KPNA3: variants seen among roughly 807,000 people sequenced by gnomAD.
KPNA3 encodes the protein karyopherin subunit alpha 3, also known as importin subunit alpha-4.
A neutral mutation model predicts 73.8 loss-of-function variants in KPNA3; 13 were observed. That is an observed-to-expected ratio of 0.18 (90% CI 0.11 to 0.28). KPNA3 has a LOEUF of 0.28. Ranked by LOEUF, KPNA3 falls within the 10% of genes least tolerant of loss-of-function variation. The pLI, the probability that KPNA3 is intolerant of heterozygous loss-of-function variation, is 1.00. For synonymous variants in KPNA3, 186 were observed against 206.9 expected, an observed-to-expected ratio of 0.90 and a Z score of 0.87; for missense variants, 360 against 618.1, an observed-to-expected ratio of 0.58 and a Z score of 4.43.
At chr13:49,742,471 T>C (rs1174099645) in intron 2 of KPNA3, among the ~76,000 whole-genome samples, 3 of 144,226 alleles carry the variant, frequency 2.1e-5, no homozygotes, top group Non-Finnish European at 4.4e-5. Context: ...CTGTTCTGTG[T>C]GTGTGTTTTT....
At chr13:49,777,277 G>GT (rs1954905125) in intron 1 of KPNA3, among the ~76,000 whole-genome samples, 1 of 152,142 alleles carries the variant, frequency 6.6e-6, no homozygotes, top group East Asian at 1.9e-4. Flanking sequence ...ATGCTGAAGA[G>GT]TTGGATCTGT....
chr13:49,702,927 G>A (rs998555516), intron 15 of KPNA3, among the ~76,000 whole-genome samples: 6 of 152,046 alleles, frequency 3.9e-5, no homozygotes, highest in African/African-American at 1.4e-4. Context: ...AGAGTGCAGA[G>A]GTGTGATCTC....
chr13:49,706,439 ATTT>A, intron 12 of KPNA3, 67 bp from the exon 13 acceptor site: 1 of 1,068,432 alleles, frequency 9.4e-7, no homozygotes, highest in Non-Finnish European at 1.4e-6. Context: ...TTTCTAATAT[ATTT>A]TATATAGACA....
rs79781495 is a variant in KPNA3, at chr13:49,733,204, G to C, written c.115-158C>G. On this transcript the variant is annotated intron_variant, in intron 2 of 16. Coordinates refer to ENST00000261667, the MANE Select transcript of KPNA3 (RefSeq NM_002267.4). ...GTGCATACTGCAAACCAATGACAAGGGTCACATTCTGGCTTCGGTAACAAA... is the reference window on the plus strand; with the variant it reads ...GTGCATACTGCAAACCAATGACAAGCGTCACATTCTGGCTTCGGTAACAAA... Among the ~76,000 whole-genome samples, 1,404 of 151,806 alleles carry C rather than the reference G, an allele frequency of 9.2e-3. 18 individuals carry two copies. Among genetic ancestry groups the C allele is most frequent in the African/African-American group, 0.032 (1,315 of 41,408 alleles).
intron 1 of KPNA3, among the ~76,000 whole-genome samples, chr13:49,760,600 G>A (rs1954751020): frequency 6.6e-6 from 1 of 152,054 alleles, no homozygotes; most frequent in Non-Finnish European, 1.5e-5. Context: ...TTGATTCCAG[G>A]TGTCAACCTG....
Position 49,734,950 on chromosome 13 carries a change from T to TAGAG in KPNA3, c.115-1905_115-1904insCTCT, listed in dbSNP as rs879944192. On this transcript the variant is annotated intron_variant, in intron 2 of 16. Transcript: ENST00000261667. ...ATATATATATATATAGAGAGAGAGA[T>TAGAG]AGATAGAGAGAGAGAGAGAGAGAGA... is the stretch of plus-strand genomic sequence containing the variant. 3.5e-4 allele frequency among the ~76,000 whole-genome samples: 27 copies of TAGAG among 76,170 alleles called. No individual in the cohort carries two copies. The South Asian group carries it at 4.5e-3, about 13-fold the overall frequency. The allele number at this position is 76,170 out of a possible 152,430, so 50.0% of individuals were successfully genotyped here.
At chr13:49,729,963 T>C (rs1258297226) in intron 6 of KPNA3, among the ~76,000 whole-genome samples, 1 of 152,134 alleles carries the variant, frequency 6.6e-6, no homozygotes, top group African/African-American at 2.4e-5. Flanking sequence ...TGAACCACAG[T>C]CAATCTGGCT....
At chr13:49,714,043 C>T (rs1954284416) in intron 10 of KPNA3, among the ~76,000 whole-genome samples, 2 of 152,108 alleles carry the variant, frequency 1.3e-5, no homozygotes, top group Non-Finnish European at 2.9e-5. Context: ...AACAAAAATG[C>T]CACACATCAG....
chr13:49,765,020 G>C (rs1488426179), intron 1 of KPNA3, among the ~76,000 whole-genome samples: 1 of 152,012 alleles, frequency 6.6e-6, no homozygotes. Flanking sequence ...CCACATTCCT[G>C]GTTTTCCTCC....
At chr13:49,769,027 T>C (rs1226272282) in intron 1 of KPNA3, among the ~76,000 whole-genome samples, 3 of 152,104 alleles carry the variant, frequency 2.0e-5, no homozygotes, top group Non-Finnish European at 4.4e-5. Flanking sequence ...TTTCACAAGA[T>C]AGTTATGTTT....
intron 6 of KPNA3, among the ~76,000 whole-genome samples, chr13:49,726,845 G>A (rs1265913436): frequency 6.6e-6 from 1 of 152,006 alleles, no homozygotes; most frequent in Non-Finnish European, 1.5e-5. Flanking sequence ...TGGGATGCTG[G>A]GCGGGGGTGG....
intron 9 of KPNA3, among the ~76,000 whole-genome samples, chr13:49,721,254 A>AC (rs1954354322): frequency 6.6e-6 from 1 of 152,116 alleles, no homozygotes; most frequent in Admixed American, 6.6e-5. Context: ...AATTGGACTT[A>AC]AAGCAAACTC....
At chr13:49,739,617 CATCCTCAATTTTGACGGATCAGTATCT>C (rs926705083) in intron 2 of KPNA3, among the ~76,000 whole-genome samples, 32 of 152,322 alleles carry the variant, frequency 2.1e-4, no homozygotes, top group Admixed American at 1.4e-3. Context: ...TGTCATCTGT[CATCCTCAATTTTGACGGATCAGTATCT>C]GTTATTTGAA....
At chr13:49,728,236 A>G (rs888493088) in intron 6 of KPNA3, among the ~76,000 whole-genome samples, 1 of 146,976 alleles carries the variant, frequency 6.8e-6, no homozygotes, top group African/African-American at 2.5e-5. Context: ...CTCTGTCTCA[A>G]AAAAAAAAAA....
intron 7 of KPNA3, among the ~76,000 whole-genome samples, chr13:49,724,697 A>G (rs1353570909): frequency 1.3e-5 from 2 of 152,108 alleles, no homozygotes; most frequent in Non-Finnish European, 2.9e-5. Flanking sequence ...CCCTGGCTCA[A>G]GCGATCCTCT....
chr13:49,726,112 A>C (rs1444561293), intron 6 of KPNA3, among the ~76,000 whole-genome samples: 8 of 152,128 alleles, frequency 5.3e-5, no homozygotes, highest in Non-Finnish European at 1.2e-4. Flanking sequence ...CCTCTTAAAC[A>C]TTTCTTACAT....
At chr13:49,723,485 C>A (rs886915476) in intron 7 of KPNA3, among the ~76,000 whole-genome samples, 3 of 151,808 alleles carry the variant, frequency 2.0e-5, no homozygotes, top group Non-Finnish European at 4.4e-5. Context: ...CAGAGAACTG[C>A]TTGAACCAGG....
At chr13:49,773,864 G>A (rs182358750) in intron 1 of KPNA3, among the ~76,000 whole-genome samples, 3 of 152,228 alleles carry the variant, frequency 2.0e-5, no homozygotes, top group Admixed American at 2.0e-4. Context: ...AAGAAAGGAA[G>A]AAGTAACCAT....
chr13:49,712,298 T>C (rs1954267001), intron 10 of KPNA3, among the ~76,000 whole-genome samples: 1 of 152,116 alleles, frequency 6.6e-6, no homozygotes, highest in African/African-American at 2.4e-5. Flanking sequence ...ATGACACACA[T>C]ATTGGAATTA....
Sources: gnomAD v4.1 joint callset for allele counts (sites outside exome capture counted in the v4.1 genomes callset) on GRCh38, gnomAD v4.1.1 for gene constraint, MANE v1.5 for transcripts, NCBI Gene and HGNC (gene_info 2026-07-23, HGNC 2026-07-21) for gene names.